Variants in ANO3 observed in about 807,000 individuals in gnomAD.
ANO3 encodes anoctamin 3, also known as anoctamin-3.
Under a neutral mutation model 144.8 loss-of-function variants are expected in ANO3, and 99 were observed. That is an observed-to-expected ratio of 0.68 (90% CI 0.58 to 0.81). The LOEUF is 0.81. Among genes scored for constraint, ANO3 ranks in the 30% least tolerant of loss-of-function variants. The pLI, the probability that ANO3 is intolerant of heterozygous loss-of-function variation, is 0.00. For synonymous variants in ANO3, 414 were observed against 392.6 expected, an observed-to-expected ratio of 1.05 and a Z score of -0.64; for missense variants, 905 against 1,202.2, an observed-to-expected ratio of 0.75 and a Z score of 3.66.
chr11:26,443,836 G>A lies in ANO3; in HGVS notation c.313G>A (p.Ala105Thr), dbSNP rs113373791. The change falls in exon 3 of 27, where the codon GCC (alanine) becomes ACC (threonine). Residue 105 changes from alanine (A) to threonine (T), a missense_variant and splice_region_variant. Ala to Thr is a moderately conservative substitution (Grantham distance 58). Around this residue, in one of 4 missense-constraint regions of ANO3, gnomAD observed 174 missense variants for 171.9 expected, o/e 1.01. Coordinates refer to ENST00000256737, the MANE Select transcript of ANO3 (RefSeq NM_031418.4). ...SFADLSDFCL[A>T]LGKDKDYTDE... is the part of the protein sequence containing the mutation. Reference sequence around the variant, plus strand: ...TGCTGACCTCAGCGATTTTTGTTTGGGTAAGTTGATAATCAGTATTTACCT... The same window carrying A: ...TGCTGACCTCAGCGATTTTTGTTTGAGTAAGTTGATAATCAGTATTTACCT... 2.9e-5 allele frequency: 46 copies of A among 1,608,838 alleles called. 1 individual carries two copies. In the African/African-American group the frequency reaches 3.1e-4, roughly 11 times the overall value.
upstream of ANO3, among the ~76,000 whole-genome samples, chr11:26,309,134 T>A (rs547772162): frequency 1.3e-5 from 2 of 152,072 alleles, no homozygotes; most frequent in African/African-American, 2.4e-5. Context: ...TTTCTAAGAG[T>A]TGAATCATAA....
At chr11:26,563,535 A>G (rs1259268851) in intron 14 of ANO3, among the ~76,000 whole-genome samples, 3 of 151,794 alleles carry the variant, frequency 2.0e-5, no homozygotes, top group Non-Finnish European at 4.4e-5. Context: ...TTAGCTCTAT[A>G]GCCGTGTCTT....
At chr11:26,383,383 T>G (rs1054309565) in intron 1 of ANO3, among the ~76,000 whole-genome samples, 1 of 152,102 alleles carries the variant, frequency 6.6e-6, no homozygotes. Flanking sequence ...AAAACTCCAT[T>G]TTCTGTCATG....
At chr11:26,358,688 T>A (rs1309484480) in intron 1 of ANO3, among the ~76,000 whole-genome samples, 1 of 152,160 alleles carries the variant, frequency 6.6e-6, no homozygotes, top group South Asian at 2.1e-4. Flanking sequence ...CGGCCACTAG[T>A]TTTTTAATAT....
At chr11:26,480,774 C>T (rs2134087655) in intron 4 of ANO3, among the ~76,000 whole-genome samples, 1 of 152,120 alleles carries the variant, frequency 6.6e-6, no homozygotes, top group South Asian at 2.1e-4. Flanking sequence ...CTCCACTGCA[C>T]TCCAGCCTGG....
chr11:26,241,799 G>A (rs117946046), intron 1 of ANO3, among the ~76,000 whole-genome samples: 2,534 of 152,188 alleles, frequency 0.017, 56 homozygotes, highest in East Asian at 0.13. Context: ...TTTGAATCAC[G>A]TATCTGGGGT....
chr11:26,214,674 C>T (rs1564920123), intron 1 of ANO3, among the ~76,000 whole-genome samples: 1 of 152,042 alleles, frequency 6.6e-6, no homozygotes, highest in East Asian at 1.9e-4. Flanking sequence ...TCACCACATA[C>T]ACCACACTCC....
intron 4 of ANO3, among the ~76,000 whole-genome samples, chr11:26,469,815 A>C (rs1859717976): frequency 6.6e-6 from 1 of 152,004 alleles, no homozygotes; most frequent in African/African-American, 2.4e-5. Context: ...ATAATGTAAG[A>C]ATGAAATAAA....
At position 26,424,257 on chromosome 11, in the gene ANO3, AC is replaced by A. The variant is rs1857851081; in HGVS notation, c.47-17660del. On this transcript the variant is annotated intron_variant, in intron 1 of 26. Coordinates refer to ENST00000256737, the MANE Select transcript of ANO3 (RefSeq NM_031418.4). ...CTTTGACTAAAATCTCCCCCCCCAC[AC>A]ACACACACATACACATAAACACATT... Among the ~76,000 whole-genome samples, 191 of 127,604 alleles carry A rather than the reference AC, an allele frequency of 1.5e-3. 2 individuals carry two copies. The highest frequency in any genetic ancestry group is 6.5e-3 in the African/African-American group (178 of 27,442). 83.7% of individuals were successfully genotyped at this position (127,604 alleles called of 152,430 possible).
intron 11 of ANO3, among the ~76,000 whole-genome samples, chr11:26,546,924 A>C (rs561327128): frequency 6.6e-6 from 1 of 152,008 alleles, no homozygotes; most frequent in South Asian, 2.1e-4. Context: ...TGGAAACTGC[A>C]GAGTTGAGCT....
intron 6 of ANO3, among the ~76,000 whole-genome samples, chr11:26,519,164 G>T (rs1005246982): frequency 6.6e-6 from 1 of 152,122 alleles, no homozygotes; most frequent in Non-Finnish European, 1.5e-5. Flanking sequence ...GTAGATTAAA[G>T]AGGAGGAAGC....
intron 14 of ANO3, among the ~76,000 whole-genome samples, chr11:26,583,980 C>T (rs1388868037): frequency 6.6e-6 from 1 of 152,156 alleles, no homozygotes; most frequent in East Asian, 1.9e-4. Context: ...TGTGTTTGAA[C>T]TGACCCCTTT....
At chr11:26,399,002 C>T (rs1292401237) in intron 1 of ANO3, among the ~76,000 whole-genome samples, 2 of 151,840 alleles carry the variant, frequency 1.3e-5, no homozygotes, top group African/African-American at 4.8e-5. Context: ...GTGGATGGAA[C>T]AGTTAATGTC....
At chr11:26,285,340 G>A (rs943760438) in intron 1 of ANO3, among the ~76,000 whole-genome samples, 3 of 152,096 alleles carry the variant, frequency 2.0e-5, no homozygotes, top group Non-Finnish European at 4.4e-5. Flanking sequence ...AATAAAGCAA[G>A]ACATGTTGTA....
chr11:26,269,583 A>G (rs1272669099), intron 1 of ANO3, among the ~76,000 whole-genome samples: 1 of 152,108 alleles, frequency 6.6e-6, no homozygotes. Flanking sequence ...TAAAGACTTG[A>G]CTGATTCCTT....
chr11:26,615,412 A>AT (rs199774508), intron 17 of ANO3, among the ~76,000 whole-genome samples: 3,230 of 104,882 alleles, frequency 0.031, 154 homozygotes, highest in East Asian at 0.26. Context: ...ATATATATAT[A>AT]TATTTTTTTT....
intron 4 of ANO3, among the ~76,000 whole-genome samples, chr11:26,484,078 G>A (rs999462743): frequency 6.6e-6 from 1 of 152,138 alleles, no homozygotes; most frequent in African/African-American, 2.4e-5. Context: ...TTTCAAAGTA[G>A]CAAAACATTC....
Position 26,237,697 on chromosome 11 carries a change from A to T in ANO3, c.154+48367A>T, listed in dbSNP as rs1852565309. Among the ~76,000 whole-genome samples the T allele has an allele frequency of 2.0e-5, 3 of 152,096 alleles. No individual in the cohort carries two copies. The South Asian group carries it at 6.2e-4, about 31-fold the overall frequency. On this transcript the variant is annotated intron_variant, in intron 1 of 27. Coordinates refer to the ANO3 transcript ENST00000672621. Reference sequence around the variant, plus strand: ...ATTCCTTGACTCTTTCAGGGTAGGTAAAAATTTCTAAAGTAGTCTTTTTTT... The same window carrying T: ...ATTCCTTGACTCTTTCAGGGTAGGTTAAAATTTCTAAAGTAGTCTTTTTTT...
At position 26,311,490 on chromosome 11, in the gene ANO3, T is replaced by G. The variant is rs539463786; in HGVS notation, c.-3+1771T>G. Among the ~76,000 whole-genome samples the G allele has an allele frequency of 4.4e-4, 67 of 152,304 alleles. No individual in the cohort carries two copies. The South Asian group carries it at 4.6e-3, about 10-fold the overall frequency. ...TTGACTATGAAATTTAGGATTAGAATTGTTAGAAAGCAGTATTTTTACGTT... is the reference window on the plus strand; with the variant it reads ...TTGACTATGAAATTTAGGATTAGAAGTGTTAGAAAGCAGTATTTTTACGTT... On this transcript the variant is annotated intron_variant, in intron 1 of 26. Transcript: ENST00000525139.
Sources: allele counts gnomAD v4.1 joint callset (sites outside exome capture counted in the v4.1 genomes callset), GRCh38; gene constraint gnomAD v4.1.1; regional missense constraint gnomAD v4.1.1; transcripts MANE v1.5; gene names NCBI Gene and HGNC (gene_info 2026-07-23, HGNC 2026-07-21).